The following PRG4 variants were observed in gnomAD, a reference collection of about 807,000 sequenced individuals.
PRG4 encodes articular superficial zone protein.
In PRG4, 61 loss-of-function variants were observed where a neutral mutation model predicts 91.2. That is an observed-to-expected ratio of 0.67 (90% CI 0.54 to 0.83). The LOEUF is 0.83. Ranked by LOEUF, PRG4 falls within the 40% of genes least tolerant of loss-of-function variation. The pLI is 0.00. For synonymous variants in PRG4, 576 were observed against 614.2 expected, an observed-to-expected ratio of 0.94 and a Z score of 0.92; for missense variants, 1,564 against 1,714.2, an observed-to-expected ratio of 0.91 and a Z score of 1.55.
At chr1:186,297,113 T>G (rs1226406875) in intron 2 of PRG4, among the ~76,000 whole-genome samples, 162 bp downstream of exon 2, 1 of 152,240 alleles carries the variant, frequency 6.6e-6, no homozygotes, top group Non-Finnish European at 1.5e-5. Context: ...TGTTTGTAAG[T>G]GCTTTGGAAT....
chr1:186,309,017 G>C lies in PRG4; in HGVS notation c.3298G>C (p.Ala1100Pro). ...VNPKSEDAGG[A>P]EGETPHMLLR... The stretch of plus-strand genomic sequence containing the variant: ...TCCAAAGAGTGAAGATGCAGGTGGT[G>C]CTGAAGGAGAAACACCTCATATGCT... Residue 1100 changes from alanine (A) to proline (P), a missense_variant, in exon 7 of 13, where the codon GCT becomes CCT. Around this residue, in one of 3 missense-constraint regions of PRG4, gnomAD observed 1,079 missense variants for 1,162.2 expected, o/e 0.93. Coordinates refer to ENST00000445192, the MANE Select transcript of PRG4 (RefSeq NM_005807.6). 1 of 1,611,408 alleles carries C rather than the reference G, an allele frequency of 6.2e-7. No individual in the cohort carries two copies. Among genetic ancestry groups the C allele is most frequent in the Non-Finnish European group, 8.5e-7 (1 of 1,178,354 alleles).
At chr1:186,301,452 A>T in intron 3 of PRG4, 140 bp from the exon 4 acceptor site, 1 of 1,226,352 alleles carries the variant, frequency 8.2e-7, no homozygotes, top group Non-Finnish European at 1.2e-6. Context: ...TTCCTGGATG[A>T]TGTACTCCAA....
chr1:186,304,033 A>G (rs2102015929), intron 4 of PRG4, 75 bp from the exon 5 acceptor site: 5 of 1,506,850 alleles, frequency 3.3e-6, no homozygotes, highest in Non-Finnish European at 3.7e-6. Context: ...AGCTAGATGC[A>G]TCTGTGCTTT....
rs1418879915 is a variant in PRG4, at chr1:186,313,871, G to A, written c.*93G>A. The A allele has an allele frequency of 6.9e-7, 1 of 1,458,334 alleles. No homozygotes were observed. The highest frequency in any genetic ancestry group is 2.3e-5 in the East Asian group (1 of 43,894). 90.3% of individuals were successfully genotyped at this position (1,458,334 alleles called of 1,614,324 possible). Reference sequence around the variant, plus strand: ...TTATTAATAAAGAATATTGACATGAGTATACCAGTTTATATATAAAAATGT... The same window carrying A: ...TTATTAATAAAGAATATTGACATGAATATACCAGTTTATATATAAAAATGT... On this transcript the variant is annotated 3_prime_UTR_variant, in exon 13 of 13. Coordinates refer to ENST00000445192, the MANE Select transcript of PRG4 (RefSeq NM_005807.6).
intron 4 of PRG4, among the ~76,000 whole-genome samples, chr1:186,303,455 TAAAAA>T (rs11351654): frequency 7.5e-6 from 1 of 132,530 alleles, no homozygotes; most frequent in Non-Finnish European, 1.6e-5. Flanking sequence ...TTCTTGTTCC[TAAAAA>T]AAAAAAAAAA....
chr1:186,300,247 G>T, intron 3 of PRG4, 34 bp downstream of exon 3: 1 of 1,613,032 alleles, frequency 6.2e-7, no homozygotes, highest in Non-Finnish European at 8.5e-7. Flanking sequence ...CCTCTGTCAA[G>T]CAACACTGCG....
intron 4 of PRG4, among the ~76,000 whole-genome samples, chr1:186,302,811 A>G (rs1480337849): frequency 6.6e-6 from 1 of 152,202 alleles, no homozygotes; most frequent in East Asian, 1.9e-4. Context: ...TGTTTTGGGC[A>G]GAGGATGTCT....
rs1471851714 is a variant in PRG4 at position 186,313,662 on chromosome 1, T to A, written c.4118-19T>A. 2.7e-6 allele frequency: 4 copies of A among 1,464,518 alleles called. No individual in the cohort carries two copies. The Admixed American group carries it at 6.7e-5, about 25-fold the overall frequency. The allele number at this position is 1,464,518 out of a possible 1,614,324, so 90.7% of individuals were successfully genotyped here. Reference sequence around the variant, plus strand: ...ATTGTTTTCTTTTTAACTAAAAAAATGTTTTCTCTTCCATTTAGATCAATA... The same window carrying A: ...ATTGTTTTCTTTTTAACTAAAAAAAAGTTTTCTCTTCCATTTAGATCAATA... On this transcript the variant is annotated intron_variant, in intron 12 of 12. Transcript: ENST00000445192.
At chr1:186,304,377 C>T (rs911774369) in intron 5 of PRG4, 120 bp downstream of exon 5, 2 of 1,195,630 alleles carry the variant, frequency 1.7e-6, no homozygotes, top group African/African-American at 1.5e-5. Context: ...AGCCTCATTA[C>T]ACTCGAAGGT....
intron 3 of PRG4, 59 bp downstream of exon 3, chr1:186,300,272 C>A (rs1207468730): frequency 9.9e-6 from 16 of 1,608,716 alleles, no homozygotes; most frequent in Non-Finnish European, 1.4e-5. Context: ...TGTGAGTCCC[C>A]CCTTGCACCC....
intron 12 of PRG4, chr1:186,313,318 G>A: frequency 3.2e-6 from 1 of 311,744 alleles, no homozygotes; most frequent in Non-Finnish European, 6.0e-6. Context: ...GAAATGCCCA[G>A]AAATCTAAGT....
chr1:186,314,183 A>C lies in PRG4; in HGVS notation c.*405A>C, dbSNP rs1256540215. 11 of 616,620 alleles carry C rather than the reference A, an allele frequency of 1.8e-5. No homozygotes were observed. The highest frequency in any genetic ancestry group is 2.7e-5 in the Non-Finnish European group (10 of 368,222). The allele number at this position is 616,620 out of a possible 1,614,324, so 38.2% of individuals were successfully genotyped here. ...CAATGGAAATTATTACAAGCAGATT[A>C]ATCCCTCTTTTTGTGACACAAGTAC... On this transcript the variant is annotated 3_prime_UTR_variant, in exon 13 of 13. Coordinates refer to ENST00000445192, the MANE Select transcript of PRG4 (RefSeq NM_005807.6).
In PRG4 at chr1:186,312,872, T is replaced by A. The variant is rs1452315710; in HGVS notation, c.4095T>A (p.Tyr1365Ter). The change falls in exon 12 of 13, where the codon TAT (tyrosine) becomes TAA (stop). Residue 1365 changes from tyrosine to a stop codon, truncating the protein, a stop_gained. Coordinates refer to ENST00000445192, the MANE Select transcript of PRG4 (RefSeq NM_005807.6). LOFTEE classifies it high-confidence loss of function. ...CCAACATCAGAAAACCTGACGGCTATGATTACTATGCCTTTTCTAAAGGTA... is the reference window on the plus strand; with the variant it reads ...CCAACATCAGAAAACCTGACGGCTAAGATTACTATGCCTTTTCTAAAGGTA... ...SLPNIRKPDG[Y>*]DYYAFSKDQY... 1.2e-6 allele frequency: 2 copies of A among 1,612,626 alleles called. No individual in the cohort carries two copies. The highest frequency in any genetic ancestry group is 1.7e-5 in the Admixed American group (1 of 60,018).
chr1:186,311,562 G>A lies in PRG4; in HGVS notation c.3759G>A (p.Lys1253=), dbSNP rs372007052. The change falls in exon 10 of 13, where the codon AAG becomes AAA. Residue 1253 remains lysine (K), a synonymous_variant. Coordinates refer to ENST00000445192, the MANE Select transcript of PRG4 (RefSeq NM_005807.6). ...IVAALSTAKY[K]NWPESVYFFK... The stretch of plus-strand genomic sequence containing the variant: ...CAGCGCTTTCAACAGCTAAATATAA[G>A]AACTGGCCTGAATCTGTGTATTTTT... The A allele has an allele frequency of 1.8e-5, 29 of 1,613,810 alleles. No individual in the cohort carries two copies. Among genetic ancestry groups the A allele is most frequent in the African/African-American group, 2.7e-5 (2 of 74,896 alleles).
intron 5 of PRG4, among the ~76,000 whole-genome samples, 177 bp from the exon 6 acceptor site, chr1:186,304,617 G>T (rs971662287): frequency 6.6e-6 from 1 of 152,182 alleles, no homozygotes; most frequent in Non-Finnish European, 1.5e-5. Flanking sequence ...TCTGTGATAA[G>T]CCCAGGTGCC....
chr1:186,313,731 A>T lies in PRG4; in HGVS notation c.4168A>T (p.Thr1390Ser), dbSNP rs751500444. ...TAGTAGAACAGCAAGAGCAATTACT[A>T]CTCGTTCTGGGCAGACCTTATCCAA... The part of the protein sequence containing the change: ...VPSRTARAIT[T>S]RSGQTLSKVW... Residue 1390 changes from threonine (T) to serine (S), a missense_variant, in exon 13 of 13, where the codon ACT (threonine) becomes TCT (serine). Thr to Ser is a moderately conservative substitution (Grantham distance 58). Around this residue, in one of 3 missense-constraint regions of PRG4, gnomAD observed 1,079 missense variants for 1,162.2 expected, o/e 0.93. Transcript: ENST00000445192. 10 of 1,610,476 alleles carry T rather than the reference A, an allele frequency of 6.2e-6. No individual in the cohort carries two copies. The South Asian group carries it at 1.1e-4, about 18-fold the overall frequency.
In PRG4 at chr1:186,312,884, C is replaced by CT; in HGVS notation, c.4111dup (p.Ser1371PhefsTer2). 1 of 1,612,160 alleles carries CT rather than the reference C, an allele frequency of 6.2e-7. No individual in the cohort carries two copies. The highest frequency in any genetic ancestry group is 8.5e-7 in the Non-Finnish European group (1 of 1,178,264). On this transcript the variant is annotated frameshift_variant, in exon 12 of 13. Coordinates refer to ENST00000445192, the MANE Select transcript of PRG4 (RefSeq NM_005807.6). LOFTEE classifies it high-confidence loss of function. ...AACCTGACGGCTATGATTACTATGC[C>CT]TTTTCTAAAGGTAAGGTATTAACTA...
intron 11 of PRG4, 26 bp from the exon 12 acceptor site, chr1:186,312,743 T>A (rs764074601): frequency 2.5e-6 from 4 of 1,609,180 alleles, no homozygotes; most frequent in Non-Finnish European, 2.6e-6. Context: ...TAATCTGGTA[T>A]CTTTTATTAA....
intron 5 of PRG4, among the ~76,000 whole-genome samples, chr1:186,304,590 T>C (rs1656425498): frequency 6.6e-6 from 1 of 152,202 alleles, no homozygotes; most frequent in African/African-American, 2.4e-5. Flanking sequence ...TGAGAGATAC[T>C]AGTAATACTG....
Sources: allele counts gnomAD v4.1 joint callset (sites outside exome capture counted in the v4.1 genomes callset), GRCh38; gene constraint gnomAD v4.1.1; regional missense constraint gnomAD v4.1.1; transcripts MANE v1.5; gene names NCBI Gene and HGNC (gene_info 2026-07-23, HGNC 2026-07-21).